The following ECM2 variants were observed in gnomAD, a reference collection of about 807,000 sequenced individuals.
ECM2 encodes the protein extracellular matrix protein 2.
In ECM2, 57 loss-of-function variants were observed where a neutral mutation model predicts 67.5. The observed-to-expected ratio is 0.84, with a 90% confidence interval of 0.68 to 1.05. The LOEUF (loss-of-function observed/expected upper bound fraction) is 1.05. Ranked by LOEUF, ECM2 falls within the 50% of genes least tolerant of loss-of-function variation. The pLI, the probability that ECM2 is intolerant of heterozygous loss-of-function variation, is 0.00. For missense variants in ECM2, 741 were observed against 822.8 expected (o/e 0.90, Z 1.22); for synonymous variants, 258 against 294.5 (o/e 0.88, Z 1.27).
intron 7 of ECM2, among the ~76,000 whole-genome samples, chr9:92,504,653 G>T (rs962562870): frequency 6.6e-6 from 1 of 152,040 alleles, no homozygotes; most frequent in African/African-American, 2.4e-5. Flanking sequence ...CTCCACCTCA[G>T]CCTCCTGAGC....
chr9:92,526,041 C>A (rs4743874), intron 1 of ECM2, among the ~76,000 whole-genome samples: 64,410 of 151,690 alleles, frequency 0.42, 16,063 homozygotes, highest in African/African-American at 0.69. Flanking sequence ...TCTATTTAAA[C>A]AAACATTAAC....
chr9:92,542,917 T>G, the ECM2 span, among the ~76,000 whole-genome samples: 2 of 152,378 alleles, frequency 1.3e-5, no homozygotes, highest in South Asian at 4.1e-4. Flanking sequence ...GGATCTAACT[T>G]CATTCTTTTA....
chr9:92,521,926 A>G (rs1588223959), intron 2 of ECM2, among the ~76,000 whole-genome samples: 1 of 152,220 alleles, frequency 6.6e-6, no homozygotes, highest in African/African-American at 2.4e-5. Flanking sequence ...GATTACAACT[A>G]TTTAAAATAT....
chr9:92,511,444 A>G (rs1847337757), intron 5 of ECM2, among the ~76,000 whole-genome samples: 1 of 150,602 alleles, frequency 6.6e-6, no homozygotes, highest in Admixed American at 6.6e-5. Flanking sequence ...TTTTTTTTAA[A>G]TATATAATTA....
intron 1 of ECM2, among the ~76,000 whole-genome samples, chr9:92,529,044 A>G (rs1355502314): frequency 2.0e-5 from 3 of 152,346 alleles, no homozygotes; most frequent in Admixed American, 1.3e-4. Flanking sequence ...ACCCAAATCA[A>G]ACTTTTAAAG....
upstream of ECM2, chr9:92,539,244 G>A (rs1446678361): frequency 6.6e-6 from 1 of 152,108 alleles, no homozygotes; most frequent in Non-Finnish European, 1.5e-5. Context: ...TAAGGACAGA[G>A]GCTAAACCTC....
At chr9:92,527,180 T>A (rs1848466750) in intron 1 of ECM2, among the ~76,000 whole-genome samples, 1 of 152,122 alleles carries the variant, frequency 6.6e-6, no homozygotes, top group South Asian at 2.1e-4. Flanking sequence ...AGCTGATTTT[T>A]ATATTTTTTT....
At chr9:92,538,524 A>C (rs1311741980), upstream of ECM2, among the ~76,000 whole-genome samples, 1 of 152,266 alleles carries the variant, frequency 6.6e-6, no homozygotes, top group Non-Finnish European at 1.5e-5. Flanking sequence ...TAACTCTTAA[A>C]GTAACAGCAC....
chr9:92,544,027 C>A, the ECM2 span, among the ~76,000 whole-genome samples: 59 of 152,204 alleles, frequency 3.9e-4, no homozygotes, highest in South Asian at 0.012. Flanking sequence ...TTTTTTATTT[C>A]TTTCTCTTAT....
upstream of ECM2, among the ~76,000 whole-genome samples, chr9:92,537,381 C>T (rs1849207973): frequency 6.6e-6 from 1 of 152,046 alleles, no homozygotes. Flanking sequence ...GTAAAACTAG[C>T]TGAGTGCAGT....
At chr9:92,519,120 C>T (rs552284527) in intron 2 of ECM2, among the ~76,000 whole-genome samples, 4 of 152,266 alleles carry the variant, frequency 2.6e-5, no homozygotes, top group Non-Finnish European at 4.4e-5. Flanking sequence ...ACATTAGTCC[C>T]CTCCTTTCCC....
chr9:92,525,890 C>T (rs1275229564), intron 1 of ECM2, among the ~76,000 whole-genome samples: 4 of 121,202 alleles, frequency 3.3e-5, no homozygotes, highest in African/African-American at 9.9e-5. Flanking sequence ...GAGACTCTAT[C>T]TCCAAAAAAA....
At chr9:92,532,472 C>T (rs1406648030) in intron 1 of ECM2, among the ~76,000 whole-genome samples, 2 of 152,046 alleles carry the variant, frequency 1.3e-5, no homozygotes, top group Non-Finnish European at 2.9e-5. Flanking sequence ...CAGGTACTTG[C>T]ATATCAGCTT....
At chr9:92,551,686 C>T in the ECM2 span, among the ~76,000 whole-genome samples, 1 of 151,846 alleles carries the variant, frequency 6.6e-6, no homozygotes, top group Admixed American at 6.6e-5. Context: ...CCACTCTTCC[C>T]TTCAAGTCCC....
chr9:92,502,160 G>A (rs1256103635), intron 8 of ECM2, among the ~76,000 whole-genome samples: 1 of 152,182 alleles, frequency 6.6e-6, no homozygotes, highest in Non-Finnish European at 1.5e-5. Flanking sequence ...GGTAGACAGA[G>A]CTAGAGTGGC....
chr9:92,515,794 A>G (rs1461948508), intron 3 of ECM2, among the ~76,000 whole-genome samples: 1 of 152,192 alleles, frequency 6.6e-6, no homozygotes. Context: ...TCTCTGTCCC[A>G]GACTCTATAC....
At chr9:92,545,609 C>A in the ECM2 span, among the ~76,000 whole-genome samples, 1 of 152,202 alleles carries the variant, frequency 6.6e-6, no homozygotes, top group Non-Finnish European at 1.5e-5. Context: ...TCCCACTGAC[C>A]GCCCAAGGGC....
At chr9:92,510,059 C>T in intron 5 of ECM2, 25 bp from the exon 6 acceptor site, 1 of 1,582,602 alleles carries the variant, frequency 6.3e-7, no homozygotes, top group African/African-American at 1.4e-5. Context: ...CTCAAAGTTA[C>T]TTTTTTATCT....
the ECM2 span, among the ~76,000 whole-genome samples, chr9:92,558,405 T>A: frequency 6.6e-6 from 1 of 152,172 alleles, no homozygotes; most frequent in Admixed American, 6.5e-5. Context: ...GTGATTATTG[T>A]CTTTCTTCTG....
Sources: allele counts gnomAD v4.1 joint callset (sites outside exome capture counted in the v4.1 genomes callset), GRCh38; gene constraint gnomAD v4.1.1; transcripts MANE v1.5; gene names NCBI Gene and HGNC (gene_info 2026-07-23, HGNC 2026-07-21).